The following CREB5 variants were observed in gnomAD, a reference collection of about 807,000 sequenced individuals.
CREB5 encodes the protein cAMP responsive element binding protein 5, also known as cyclic AMP-responsive element-binding protein 5.
A neutral mutation model predicts 57.1 loss-of-function variants in CREB5; 19 were observed. The ratio of observed to expected loss-of-function variants is 0.33; its 90% CI spans 0.23 to 0.49. The LOEUF is 0.49. CREB5 is among the 20% of genes least tolerant of loss of function. The pLI, the probability that CREB5 is intolerant of heterozygous loss-of-function variation, is 0.99. For missense variants in CREB5, 579 were observed against 671.6 expected (o/e 0.86, Z 1.52); for synonymous variants, 238 against 238.3 (o/e 1.00, Z 0.01).
intron 5 of CREB5, among the ~76,000 whole-genome samples, chr7:28,655,234 C>T (rs928894093): frequency 1.4e-4 from 22 of 152,078 alleles, no homozygotes; most frequent in African/African-American, 4.8e-4. Flanking sequence ...TTTCTTAGCT[C>T]GAATGGTGGC....
Position 28,821,832 on chromosome 7 carries a change from T to C in CREB5, c.*2553T>C, listed in dbSNP as rs2128811210. The C allele has an allele frequency of 6.6e-6, 1 of 152,646 alleles. No homozygotes were observed. Among genetic ancestry groups the C allele is most frequent in the East Asian group, 1.9e-4 (1 of 5,196 alleles). 9.5% of individuals were successfully genotyped at this position (152,646 alleles called of 1,614,324 possible). A position where few individuals can be genotyped will look rare whatever the true frequency, so the allele number is the denominator to read the frequency against. On this transcript the variant is annotated 3_prime_UTR_variant, in exon 11 of 11. Coordinates refer to ENST00000357727, the MANE Select transcript of CREB5 (RefSeq NM_182898.4). ...AATTTTTATGTTATGTTTTGCTTTG[T>C]TTTAAGTAAACAAAAATTTTTCTTT...
intron 1 of CREB5, among the ~76,000 whole-genome samples, chr7:28,469,421 G>C (rs1332381092): frequency 6.6e-6 from 1 of 151,984 alleles, no homozygotes; most frequent in Non-Finnish European, 1.5e-5. Context: ...GAGTTTGCTG[G>C]GTAGTCCTGA....
At chr7:28,486,060 T>C (rs529026772) in intron 1 of CREB5, among the ~76,000 whole-genome samples, 106 of 152,264 alleles carry the variant, frequency 7.0e-4, no homozygotes, top group Non-Finnish European at 1.3e-3. Flanking sequence ...AGGAAAGCTA[T>C]AAAATTATGG....
intron 5 of CREB5, among the ~76,000 whole-genome samples, chr7:28,648,068 G>A (rs1290045122): frequency 6.6e-6 from 1 of 152,156 alleles, no homozygotes; most frequent in African/African-American, 2.4e-5. Flanking sequence ...GCGCAGAGTT[G>A]GAAGGGATAT....
chr7:28,310,643 A>G (rs914385407), intron 1 of CREB5, among the ~76,000 whole-genome samples: 2 of 152,214 alleles, frequency 1.3e-5, no homozygotes, highest in African/African-American at 2.4e-5. Context: ...AAATTACGCA[A>G]TTTCAAACAT....
chr7:28,816,688 G>A (rs1362340874), intron 9 of CREB5, among the ~76,000 whole-genome samples: 4 of 151,922 alleles, frequency 2.6e-5, no homozygotes, highest in Non-Finnish European at 2.9e-5. Context: ...TTTTTTTAGC[G>A]CAACTTCTAG....
chr7:28,484,911 C>T (rs547135148), intron 1 of CREB5, among the ~76,000 whole-genome samples: 31 of 152,244 alleles, frequency 2.0e-4, no homozygotes, highest in African/African-American at 6.7e-4. Flanking sequence ...TCTATGTGGC[C>T]GAGCCTTTCG....
chr7:28,488,201 G>A lies in CREB5; in HGVS notation c.30G>A (p.Leu10=). 6.2e-7 allele frequency: 1 copy of A among 1,613,850 alleles called. No homozygotes were observed. Among genetic ancestry groups the A allele is most frequent in the Non-Finnish European group, 8.5e-7 (1 of 1,179,852 alleles). ...TTTATGAGGAATCCAAGATGAATTT[G>A]GAGCAGGAGAGGCCGTTTGTCTGCA... MIYEESKMN[L]EQERPFVCSA... The change falls in exon 2 of 11, where the codon TTG becomes TTA. Residue 10 remains leucine, a synonymous_variant. Coordinates refer to ENST00000357727, the MANE Select transcript of CREB5 (RefSeq NM_182898.4).
chr7:28,466,791 T>C (rs1398320011), intron 1 of CREB5, among the ~76,000 whole-genome samples: 1 of 152,174 alleles, frequency 6.6e-6, no homozygotes, highest in Non-Finnish European at 1.5e-5. Flanking sequence ...GTCAAGGCTT[T>C]GCAAATCGGG....
intron 7 of CREB5, among the ~76,000 whole-genome samples, chr7:28,766,140 A>G (rs1490474534): frequency 6.6e-6 from 1 of 152,192 alleles, no homozygotes; most frequent in Non-Finnish European, 1.5e-5. Flanking sequence ...CTAGGGCATA[A>G]TGAGAACTCA....
chr7:28,336,470 A>G (rs1024420788), intron 1 of CREB5, among the ~76,000 whole-genome samples: 1 of 151,952 alleles, frequency 6.6e-6, no homozygotes, highest in African/African-American at 2.4e-5. Context: ...TAGGTTTTCC[A>G]ATTTATTGTC....
At chr7:28,386,155 C>G (rs568331251) in intron 1 of CREB5, among the ~76,000 whole-genome samples, 2 of 152,080 alleles carry the variant, frequency 1.3e-5, no homozygotes, top group Non-Finnish European at 2.9e-5. Flanking sequence ...GTCTATTTTC[C>G]TTTCTGACAT....
At chr7:28,583,356 A>G (rs1371202514) in intron 5 of CREB5, among the ~76,000 whole-genome samples, 1 of 152,222 alleles carries the variant, frequency 6.6e-6, no homozygotes, top group East Asian at 1.9e-4. Context: ...ATGAGATTGG[A>G]CAGGCAAGCT....
chr7:28,580,519 C>G (rs1347460826), intron 5 of CREB5, among the ~76,000 whole-genome samples: 4 of 132,376 alleles, frequency 3.0e-5, no homozygotes, highest in Non-Finnish European at 4.7e-5. Context: ...TTGCAGAGAA[C>G]CAGAGGAGTG....
chr7:28,772,497 G>A (rs149170036), intron 7 of CREB5, among the ~76,000 whole-genome samples: 152 of 152,132 alleles, frequency 1.0e-3, no homozygotes, highest in African/African-American at 3.5e-3. Flanking sequence ...GGGAGAAGGC[G>A]CGCCCAGCAC....
chr7:28,741,964 G>A (rs941217980), intron 7 of CREB5, among the ~76,000 whole-genome samples: 1 of 151,674 alleles, frequency 6.6e-6, no homozygotes, highest in African/African-American at 2.4e-5. Flanking sequence ...TACTTGGGAG[G>A]CGGAGGCAGA....
intron 5 of CREB5, among the ~76,000 whole-genome samples, chr7:28,654,193 C>T (rs1427370177): frequency 1.3e-5 from 2 of 152,164 alleles, no homozygotes; most frequent in African/African-American, 2.4e-5. Context: ...TACTATAGCA[C>T]ATACTCCCTC....
Position 28,819,372 on chromosome 7 carries a change from A to C in CREB5, c.*93A>C, listed in dbSNP as rs1809634972. The stretch of plus-strand genomic sequence containing the variant: ...TTTTTAGAATTAACTCAGACCTGGA[A>C]GACTCCTCAGTTCTTCAAAGACTGG... On this transcript the variant is annotated 3_prime_UTR_variant, in exon 11 of 11. Coordinates refer to ENST00000357727, the MANE Select transcript of CREB5 (RefSeq NM_182898.4). The C allele has an allele frequency of 1.6e-6, 2 of 1,275,864 alleles. No homozygotes were observed. The highest frequency in any genetic ancestry group is 4.9e-5 in the Admixed American group (2 of 41,212). 79.0% of individuals were successfully genotyped at this position (1,275,864 alleles called of 1,614,324 possible). A position where few individuals can be genotyped will look rare whatever the true frequency, so the allele number is the denominator to read the frequency against.
chr7:28,314,593 C>CA (rs1009868541), intron 1 of CREB5, among the ~76,000 whole-genome samples: 1 of 152,204 alleles, frequency 6.6e-6, no homozygotes, highest in African/African-American at 2.4e-5. Context: ...AGACAACACA[C>CA]ACAGCACAGT....
Sources: gnomAD v4.1 joint callset for allele counts (sites outside exome capture counted in the v4.1 genomes callset) on GRCh38, gnomAD v4.1.1 for gene constraint, MANE v1.5 for transcripts, NCBI Gene and HGNC (gene_info 2026-07-23, HGNC 2026-07-21) for gene names.